Variants in KBTBD12 observed in about 807,000 individuals in gnomAD.
The protein encoded by KBTBD12 is kelch repeat and BTB domain-containing protein 12.
Under a neutral mutation model 58.7 loss-of-function variants are expected in KBTBD12, and 53 were observed. The ratio of observed to expected loss-of-function variants is 0.90; its 90% CI spans 0.72 to 1.14. KBTBD12 has a LOEUF of 1.14. Among genes scored for constraint, KBTBD12 ranks in the 50% most tolerant of loss-of-function variants. The pLI, the probability that KBTBD12 is intolerant of heterozygous loss-of-function variation, is 0.00. For synonymous variants in KBTBD12, 236 were observed against 259.8 expected (o/e 0.91, Z 0.88); for missense variants, 704 against 751.3 (o/e 0.94, Z 0.74).
intron 2 of KBTBD12, among the ~76,000 whole-genome samples, chr3:127,925,533 T>A (rs1347713887): frequency 6.6e-6 from 1 of 152,190 alleles, no homozygotes. Flanking sequence ...TGTCAAAGTG[T>A]CTTTCAGTTT....
At chr3:127,974,662 G>A (rs951462470) in intron 5 of KBTBD12, among the ~76,000 whole-genome samples, 1 of 152,136 alleles carries the variant, frequency 6.6e-6, no homozygotes, top group Non-Finnish European at 1.5e-5. Context: ...GGACCACTTG[G>A]CTTTATTTTC....
chr3:127,938,141 A>G (rs1939864728), intron 4 of KBTBD12, among the ~76,000 whole-genome samples: 1 of 152,210 alleles, frequency 6.6e-6, no homozygotes. Context: ...ACATATGGGT[A>G]AATGGAAACA....
chr3:127,965,678 CAGAT>C (rs1341689522), intron 5 of KBTBD12, among the ~76,000 whole-genome samples: 4 of 152,226 alleles, frequency 2.6e-5, no homozygotes, highest in East Asian at 1.9e-4. Flanking sequence ...GTGGGAAAGA[CAGAT>C]GGATAAACAT....
At chr3:127,938,078 C>A (rs946177102) in intron 4 of KBTBD12, among the ~76,000 whole-genome samples, 3 of 151,874 alleles carry the variant, frequency 2.0e-5, no homozygotes, top group African/African-American at 2.4e-5. Flanking sequence ...AAATGTGATC[C>A]CAGATTGAAG....
intron 4 of KBTBD12, among the ~76,000 whole-genome samples, chr3:127,942,639 TATATAACTATATATATAACTAC>T (rs1939978014): frequency 6.7e-6 from 1 of 148,200 alleles, no homozygotes; most frequent in East Asian, 1.9e-4. Context: ...TATATAACTA[TATATAACTATATATATAACTAC>T]ATATAACTAT....
At chr3:127,939,087 T>C (rs1209177741) in intron 4 of KBTBD12, among the ~76,000 whole-genome samples, 2 of 152,158 alleles carry the variant, frequency 1.3e-5, no homozygotes, top group Non-Finnish European at 2.9e-5. Flanking sequence ...GTTATAATTA[T>C]CAGAATGTAG....
chr3:127,926,356 A>C (rs1425570936), intron 2 of KBTBD12, among the ~76,000 whole-genome samples: 1 of 152,216 alleles, frequency 6.6e-6, no homozygotes, highest in Non-Finnish European at 1.5e-5. Context: ...ATATTAATTC[A>C]GTTGGCTTTA....
In KBTBD12 at chr3:127,923,337, A is replaced by T. The variant is rs1362138006; in HGVS notation, c.276A>T (p.Ala92=). ...TGTTATTAAATTACATGTACAATGC[A>T]GCTTTGGAGATCAATAATGCCAATG... ...VSVLLNYMYN[A]ALEINNANVQ... is the part of the protein sequence containing the mutation. Residue 92 remains alanine (A), a synonymous_variant, in exon 2 of 6, where the codon GCA becomes GCT. Coordinates refer to ENST00000405109, the MANE Select transcript of KBTBD12 (RefSeq NM_207335.4). 1 of 1,613,750 alleles carries T rather than the reference A, an allele frequency of 6.2e-7. No homozygotes were observed. Among genetic ancestry groups the T allele is most frequent in the Non-Finnish European group, 8.5e-7 (1 of 1,179,812 alleles).
intron 2 of KBTBD12, 107 bp from the exon 3 acceptor site, chr3:127,927,657 A>T: frequency 1.2e-6 from 1 of 832,628 alleles, no homozygotes; most frequent in Non-Finnish European, 1.8e-6. Flanking sequence ...CTCCAATTGG[A>T]AGAACCATAT....
Position 127,979,149 on chromosome 3 carries a change from A to C in KBTBD12, c.1691-4948A>C, listed in dbSNP as rs988960982. 5.9e-5 allele frequency among the ~76,000 whole-genome samples: 9 copies of C among 152,224 alleles called. No individual in the cohort carries two copies. The East Asian group carries it at 1.7e-3, about 29-fold the overall frequency. ...AAATCAACATTTTCCACAGGATTTA[A>C]ACAAGACCTAGAATAATATGGCATA... On this transcript the variant is annotated intron_variant, in intron 5 of 5. Transcript: ENST00000405109.
At position 127,963,124 on chromosome 3, in the gene KBTBD12, G is replaced by A. The variant is rs545837944; in HGVS notation, c.1493-65G>A. ...ACCTTTGATACAAACCATGCAGGGGGCAGTGCTGTCCACAATTGAGTTTCA... is the reference window on the plus strand; with the variant it reads ...ACCTTTGATACAAACCATGCAGGGGACAGTGCTGTCCACAATTGAGTTTCA... On this transcript the variant is annotated intron_variant, in intron 4 of 5. Transcript: ENST00000405109. 9.0e-6 allele frequency: 12 copies of A among 1,339,662 alleles called. No individual in the cohort carries two copies. In the African/African-American group the frequency reaches 1.5e-4, roughly 16 times the overall value. 83.0% of individuals were successfully genotyped at this position (1,339,662 alleles called of 1,614,324 possible).
intron 3 of KBTBD12, among the ~76,000 whole-genome samples, chr3:127,928,352 A>C (rs1029840121): frequency 3.3e-5 from 5 of 152,152 alleles, no homozygotes; most frequent in African/African-American, 1.2e-4. Context: ...GGAGGAAGAG[A>C]AGCTGGATCC....
chr3:127,963,462 C>T, intron 5 of KBTBD12, 76 bp downstream of exon 5: 1 of 1,317,128 alleles, frequency 7.6e-7, no homozygotes, highest in Non-Finnish European at 1.0e-6. Context: ...CCAATCACCA[C>T]TAATATTCCT....
intron 5 of KBTBD12, among the ~76,000 whole-genome samples, chr3:127,976,775 A>G (rs767494002): frequency 2.0e-5 from 3 of 152,152 alleles, no homozygotes; most frequent in Non-Finnish European, 4.4e-5. Flanking sequence ...ATTCATTTTT[A>G]TGTGTGTATG....
intron 3 of KBTBD12, among the ~76,000 whole-genome samples, chr3:127,929,060 A>G (rs958794237): frequency 2.0e-5 from 3 of 152,070 alleles, no homozygotes; most frequent in African/African-American, 7.2e-5. Context: ...TGCATGCATA[A>G]GCCCCAAAAA....
chr3:127,959,471 A>G (rs1425857788), intron 4 of KBTBD12, among the ~76,000 whole-genome samples: 1 of 152,258 alleles, frequency 6.6e-6, no homozygotes, highest in African/African-American at 2.4e-5. Flanking sequence ...CAATTTGACC[A>G]TACAGTTAGT....
chr3:127,957,574 G>T lies in KBTBD12; in HGVS notation c.1493-5615G>T, dbSNP rs141505887. On this transcript the variant is annotated intron_variant, in intron 4 of 5. Coordinates refer to ENST00000405109, the MANE Select transcript of KBTBD12 (RefSeq NM_207335.4). ...GACTTTTATAATCAGCCAACTTTTA[G>T]CTCTTTGGATTTAGGACTTGCCATA... is the stretch of plus-strand genomic sequence containing the variant. 2.8e-4 allele frequency among the ~76,000 whole-genome samples: 43 copies of T among 152,166 alleles called. 1 individual carries two copies. The East Asian group carries it at 6.6e-3, about 23-fold the overall frequency.
At chr3:127,975,340 T>C (rs114350591) in intron 5 of KBTBD12, among the ~76,000 whole-genome samples, 527 of 152,278 alleles carry the variant, frequency 3.5e-3, no homozygotes, top group African/African-American at 8.2e-3. Flanking sequence ...ACGGATGTAG[T>C]CAGCCTGTTC....
At chr3:127,954,964 C>A (rs1438865615) in intron 4 of KBTBD12, among the ~76,000 whole-genome samples, 1 of 152,198 alleles carries the variant, frequency 6.6e-6, no homozygotes, top group South Asian at 2.1e-4. Flanking sequence ...AGTCGCTGCC[C>A]TTGTCACACT....
Sources: gnomAD v4.1 joint callset for allele counts (sites outside exome capture counted in the v4.1 genomes callset) on GRCh38, gnomAD v4.1.1 for gene constraint, MANE v1.5 for transcripts, NCBI Gene and HGNC (gene_info 2026-07-23, HGNC 2026-07-21) for gene names.